The following COA1 variants were observed in gnomAD, a reference collection of about 807,000 sequenced individuals.
COA1 encodes cytochrome c oxidase assembly factor 1, also known as cytochrome c oxidase assembly factor 1 homolog.
Under a neutral mutation model 16.0 loss-of-function variants are expected in COA1, and 13 were observed. That is an observed-to-expected ratio of 0.81 (90% confidence interval 0.53 to 1.29). The LOEUF (loss-of-function observed/expected upper bound fraction) is 1.29. COA1 is among the 50% of genes most tolerant of loss of function. The pLI is 0.00. For missense variants in COA1, 179 were observed against 177.0 expected (o/e 1.01, Z -0.06); for synonymous variants, 65 against 65.7 (o/e 0.99, Z 0.05).
At chr7:43,681,419 T>C (rs1333014010) in intron 1 of COA1, among the ~76,000 whole-genome samples, 1 of 152,258 alleles carries the variant, frequency 6.6e-6, no homozygotes, top group African/African-American at 2.4e-5. Flanking sequence ...CTCACAAATA[T>C]CTTTTGTACA....
chr7:43,623,061 A>AT (rs565209042), intron 6 of COA1: 52 of 148,788 alleles, frequency 3.5e-4, no homozygotes, highest in Middle Eastern at 3.4e-3. Flanking sequence ...AGAATGCCCA[A>AT]TTTTTTTTTT....
At chr7:43,661,762 C>T (rs1254436481) in intron 1 of COA1, among the ~76,000 whole-genome samples, 3 of 152,068 alleles carry the variant, frequency 2.0e-5, no homozygotes, top group Non-Finnish European at 4.4e-5. Flanking sequence ...GCCTTGAGAC[C>T]ATTCCAGGGT....
intron 1 of COA1, among the ~76,000 whole-genome samples, chr7:43,728,167 G>A (rs1241609704): frequency 6.6e-6 from 1 of 152,010 alleles, no homozygotes; most frequent in Non-Finnish European, 1.5e-5. Flanking sequence ...GTGGAGACGG[G>A]GTTTCACCGT....
At chr7:43,630,681 A>G (rs190035486) in intron 6 of COA1, among the ~76,000 whole-genome samples, 169 of 152,348 alleles carry the variant, frequency 1.1e-3, no homozygotes, top group African/African-American at 4.0e-3. Context: ...CAATAGTTAC[A>G]GACTTACAGG....
At chr7:43,709,027 CT>C (rs538423823) in intron 1 of COA1, among the ~76,000 whole-genome samples, 185 of 143,208 alleles carry the variant, frequency 1.3e-3, no homozygotes, top group Middle Eastern at 7.3e-3. Flanking sequence ...CTCCTATAAT[CT>C]TTTTTTTTTT....
chr7:43,680,283 CAAAAAAA>C (rs552891478), intron 1 of COA1, among the ~76,000 whole-genome samples: 5 of 73,008 alleles, frequency 6.8e-5, no homozygotes, highest in African/African-American at 1.5e-4. Flanking sequence ...GACAGGGAGA[CAAAAAAA>C]AAAAAAAAAA....
At chr7:43,678,273 C>T (rs1379030952) in intron 1 of COA1, among the ~76,000 whole-genome samples, 1 of 152,086 alleles carries the variant, frequency 6.6e-6, no homozygotes, top group East Asian at 1.9e-4. Context: ...AAATAAATAT[C>T]CACATGCAAA....
At chr7:43,659,687 G>A (rs1412634603) in intron 1 of COA1, among the ~76,000 whole-genome samples, 2 of 152,058 alleles carry the variant, frequency 1.3e-5, no homozygotes, top group Non-Finnish European at 2.9e-5. Flanking sequence ...TCCCTCCCTA[G>A]AGTCCTCCCT....
intron 1 of COA1, among the ~76,000 whole-genome samples, chr7:43,652,077 G>T (rs1214821054): frequency 1.3e-5 from 2 of 152,190 alleles, no homozygotes; most frequent in Non-Finnish European, 2.9e-5. Flanking sequence ...CCCAGGCAAT[G>T]GTGGGTTTTA....
chr7:43,709,983 A>ATT (rs2095160673), intron 1 of COA1, among the ~76,000 whole-genome samples: 1 of 152,180 alleles, frequency 6.6e-6, no homozygotes, highest in African/African-American at 2.4e-5. Flanking sequence ...CTCACACATG[A>ATT]AAATGTTAAG....
At chr7:43,620,739 G>A (rs1480205816) in intron 6 of COA1, among the ~76,000 whole-genome samples, 7 of 151,992 alleles carry the variant, frequency 4.6e-5, no homozygotes, top group African/African-American at 1.7e-4. Flanking sequence ...GTAATTATGA[G>A]GCCTTGGATA....
At chr7:43,721,276 T>C (rs1021205531) in intron 1 of COA1, among the ~76,000 whole-genome samples, 3 of 152,262 alleles carry the variant, frequency 2.0e-5, no homozygotes, top group African/African-American at 7.2e-5. Flanking sequence ...ATAATTTCAA[T>C]AGTTAAATGT....
intron 4 of COA1, among the ~76,000 whole-genome samples, chr7:43,644,190 C>A (rs1210007389): frequency 1.3e-5 from 2 of 152,208 alleles, no homozygotes; most frequent in African/African-American, 4.8e-5. Context: ...AGGCCTCGAG[C>A]CACTTCCCCT....
intron 1 of COA1, among the ~76,000 whole-genome samples, chr7:43,728,258 G>A (rs529938893): frequency 6.6e-6 from 1 of 152,216 alleles, no homozygotes; most frequent in Non-Finnish European, 1.5e-5. Context: ...ACAGGCGTGA[G>A]GCACCGCTAC....
At chr7:43,644,762 G>GATAGATTAGATAGA (rs1563228848) in intron 4 of COA1, among the ~76,000 whole-genome samples, 1 of 80,044 alleles carries the variant, frequency 1.2e-5, no homozygotes, top group African/African-American at 4.3e-5. Flanking sequence ...AGATAGATAG[G>GATAGATTAGATAGA]CAGGCAGGCA....
At chr7:43,671,571 A>G (rs1396653441) in intron 1 of COA1, among the ~76,000 whole-genome samples, 3 of 152,244 alleles carry the variant, frequency 2.0e-5, no homozygotes, top group African/African-American at 7.2e-5. Flanking sequence ...CAAAGAAATC[A>G]GAGATGACAC....
chr7:43,683,155 G>C (rs943692472), intron 1 of COA1, among the ~76,000 whole-genome samples: 1 of 152,178 alleles, frequency 6.6e-6, no homozygotes, highest in Non-Finnish European at 1.5e-5. Context: ...ACCATGCCCA[G>C]CCACCAACTG....
chr7:43,686,305 C>CTTTT (rs770784003), intron 1 of COA1, among the ~76,000 whole-genome samples: 3 of 126,072 alleles, frequency 2.4e-5, no homozygotes, highest in East Asian at 2.3e-4. Context: ...GGCTTTGTTT[C>CTTTT]TTTTTTTTTT....
chr7:43,624,601 AG>A, intron 6 of COA1: 1 of 1,614,120 alleles, frequency 6.2e-7, no homozygotes, highest in Non-Finnish European at 8.5e-7. Flanking sequence ...AGGATGGAAA[AG>A]GCACTAGAAG....
Sources: allele counts gnomAD v4.1 joint callset (sites outside exome capture counted in the v4.1 genomes callset), GRCh38; gene constraint gnomAD v4.1.1; transcripts MANE v1.5; gene names NCBI Gene and HGNC (gene_info 2026-07-23, HGNC 2026-07-21).